Variants in STARD13 observed in about 807,000 individuals in gnomAD.
STARD13 encodes StAR related lipid transfer domain containing 13, also known as stAR-related lipid transfer protein 13.
In STARD13, 62 loss-of-function variants were observed where a neutral mutation model predicts 106.4. That is an observed-to-expected ratio of 0.58 (90% CI 0.48 to 0.72). STARD13 has a LOEUF of 0.72. Among genes scored for constraint, STARD13 ranks in the 30% least tolerant of loss-of-function variants. The probability of loss-of-function intolerance (pLI) is 0.00; values close to 1 mark genes in which losing one functional copy is unlikely to be tolerated. For synonymous variants in STARD13, 565 were observed against 553.0 expected (o/e 1.02, Z -0.31); for missense variants, 1,387 against 1,424.0 (o/e 0.97, Z 0.42).
chr13:33,580,414 A>G, the STARD13 span, among the ~76,000 whole-genome samples: 1 of 152,126 alleles, frequency 6.6e-6, no homozygotes, highest in African/African-American at 2.4e-5. Context: ...AGGGATGAAT[A>G]AGTGAATGGA....
chr13:33,656,448 A>G, the STARD13 span, among the ~76,000 whole-genome samples: 1 of 152,244 alleles, frequency 6.6e-6, no homozygotes, highest in East Asian at 1.9e-4. Context: ...CCTTAAAAAT[A>G]TTGTAAAAAA....
chr13:33,456,324 G>T, the STARD13 span, among the ~76,000 whole-genome samples: 2 of 152,232 alleles, frequency 1.3e-5, no homozygotes, highest in African/African-American at 4.8e-5. Flanking sequence ...CAAGTAGCTA[G>T]GATTACAGGC....
chr13:33,486,290 G>A, the STARD13 span, among the ~76,000 whole-genome samples: 1 of 152,112 alleles, frequency 6.6e-6, no homozygotes, highest in African/African-American at 2.4e-5. Flanking sequence ...AGAGTTGGAA[G>A]CTTCAAATCC....
intron 1 of STARD13, among the ~76,000 whole-genome samples, chr13:33,172,378 G>A (rs1884061559): frequency 6.6e-6 from 1 of 152,162 alleles, no homozygotes; most frequent in Admixed American, 6.5e-5. Context: ...GACCTCACCA[G>A]TGTAGACTGA....
chr13:33,406,778 C>T, the STARD13 span, among the ~76,000 whole-genome samples: 14 of 152,244 alleles, frequency 9.2e-5, no homozygotes, highest in East Asian at 1.9e-4. Context: ...TAAATAGACC[C>T]ATAAAGGACC....
chr13:33,554,122 C>T, the STARD13 span, among the ~76,000 whole-genome samples: 1 of 151,968 alleles, frequency 6.6e-6, no homozygotes, highest in Non-Finnish European at 1.5e-5. Context: ...GATATTTAAC[C>T]ACATTTTAAA....
the STARD13 span, among the ~76,000 whole-genome samples, chr13:33,481,531 G>A: frequency 6.6e-6 from 1 of 152,126 alleles, no homozygotes; most frequent in Non-Finnish European, 1.5e-5. Context: ...AGTCCAGTCT[G>A]TGTGAAATTT....
intron 5 of STARD13, 78 bp downstream of exon 5, chr13:33,128,851 A>G (rs779680008): frequency 4.9e-5 from 70 of 1,414,390 alleles, no homozygotes; most frequent in Non-Finnish European, 6.0e-5. Flanking sequence ...TACTCTGTGT[A>G]TGTTTGTTAA....
At chr13:33,113,490 C>T (rs2138080509) in intron 8 of STARD13, 1 of 499,426 alleles carries the variant, frequency 2.0e-6, no homozygotes, top group East Asian at 5.6e-5. Flanking sequence ...CTGGTGGGAC[C>T]TCTGACCTCA....
the STARD13 span, among the ~76,000 whole-genome samples, chr13:33,428,147 G>C: frequency 6.6e-6 from 1 of 152,062 alleles, no homozygotes; most frequent in Non-Finnish European, 1.5e-5. Flanking sequence ...AAACTAGACT[G>C]TTAGCTATCA....
chr13:33,154,493 T>C (rs1465273430), intron 3 of STARD13, among the ~76,000 whole-genome samples: 7 of 152,248 alleles, frequency 4.6e-5, no homozygotes, highest in African/African-American at 1.7e-4. Flanking sequence ...GAATTTCATT[T>C]AGCTTGTGCA....
the STARD13 span, among the ~76,000 whole-genome samples, chr13:33,470,140 C>T: frequency 1.3e-5 from 2 of 152,248 alleles, no homozygotes; most frequent in South Asian, 2.1e-4. Flanking sequence ...TGAGTAAGAA[C>T]ATGTGGTGTT....
chr13:33,285,934 A>T (rs926532501), upstream of STARD13, among the ~76,000 whole-genome samples: 2 of 152,026 alleles, frequency 1.3e-5, no homozygotes, highest in African/African-American at 2.4e-5. Context: ...AAAGCAAAAT[A>T]CACGTATTTG....
At chr13:33,270,956 A>T (rs1186099282) in intron 1 of STARD13, among the ~76,000 whole-genome samples, 1 of 151,940 alleles carries the variant, frequency 6.6e-6, no homozygotes, top group Non-Finnish European at 1.5e-5. Flanking sequence ...TTCCCTGCAC[A>T]CTCCCACAAG....
chr13:33,415,816 T>A, the STARD13 span, among the ~76,000 whole-genome samples: 1 of 152,206 alleles, frequency 6.6e-6, no homozygotes, highest in African/African-American at 2.4e-5. Context: ...CGAGAGATAG[T>A]CATTAAGAAA....
chr13:33,251,027 T>C (rs1482843788), intron 1 of STARD13, among the ~76,000 whole-genome samples: 1 of 152,118 alleles, frequency 6.6e-6, no homozygotes, highest in Non-Finnish European at 1.5e-5. Flanking sequence ...GGAGACGTTA[T>C]AGGTAGAGGA....
At chr13:33,284,356 T>A (rs1891948878) in intron 1 of STARD13, among the ~76,000 whole-genome samples, 1 of 152,214 alleles carries the variant, frequency 6.6e-6, no homozygotes, top group Non-Finnish European at 1.5e-5. Context: ...AAGATTTTCA[T>A]GATTACAAAC....
At chr13:33,489,547 A>G in the STARD13 span, among the ~76,000 whole-genome samples, 1 of 152,236 alleles carries the variant, frequency 6.6e-6, no homozygotes, top group African/African-American at 2.4e-5. Flanking sequence ...AGTCCAATCA[A>G]CTAATAAAAA....
At chr13:33,200,218 G>A (rs74045703) in intron 1 of STARD13, among the ~76,000 whole-genome samples, 15,332 of 152,246 alleles carry the variant, frequency 0.1, 798 homozygotes, top group Middle Eastern at 0.12. Context: ...AAGGGTTCCT[G>A]GGGCTGGAAG....
Sources: allele counts gnomAD v4.1 joint callset (sites outside exome capture counted in the v4.1 genomes callset), GRCh38; gene constraint gnomAD v4.1.1; transcripts MANE v1.5; gene names NCBI Gene and HGNC (gene_info 2026-07-23, HGNC 2026-07-21).